The following DCC variants were observed in gnomAD, a reference collection of about 807,000 sequenced individuals.
DCC encodes DCC netrin 1 receptor, also known as netrin receptor DCC.
DCC carries 58 observed loss-of-function variants against 172.5 expected under a neutral mutation model. The observed-to-expected ratio is 0.34, with a 90% CI of 0.27 to 0.42. The LOEUF is 0.42. DCC is among the 10% of genes least tolerant of loss of function. The pLI is 1.00. For missense variants in DCC, 1,740 were observed against 1,791.0 expected (o/e 0.97, Z 0.51); for synonymous variants, 709 against 644.5 (o/e 1.10, Z -1.52).
At chr18:52,388,012 G>A (rs139107489) in intron 1 of DCC, among the ~76,000 whole-genome samples, 1,525 of 152,092 alleles carry the variant, frequency 0.01, 16 homozygotes, top group South Asian at 0.021. Flanking sequence ...GCATCCATGG[G>A]CATACTAATC....
intron 1 of DCC, among the ~76,000 whole-genome samples, chr18:52,610,825 AT>A (rs888630914): frequency 4.7e-5 from 7 of 149,846 alleles, no homozygotes; most frequent in Admixed American, 2.0e-4. Context: ...TCTTCTTTTG[AT>A]TTTTTTTCTA....
At chr18:52,627,338 T>G (rs2034593504) in intron 1 of DCC, among the ~76,000 whole-genome samples, 1 of 152,182 alleles carries the variant, frequency 6.6e-6, no homozygotes, top group East Asian at 1.9e-4. Flanking sequence ...CCTGGGTGAG[T>G]TGGGTGGTCA....
At chr18:53,123,429 G>A (rs533645038) in intron 7 of DCC, among the ~76,000 whole-genome samples, 50 of 152,142 alleles carry the variant, frequency 3.3e-4, no homozygotes, top group South Asian at 8.3e-4. Flanking sequence ...GGGGTGTGAA[G>A]GGAGCTAGAG....
At chr18:52,555,175 T>C (rs2032880644) in intron 1 of DCC, among the ~76,000 whole-genome samples, 1 of 152,050 alleles carries the variant, frequency 6.6e-6, no homozygotes. Context: ...CATAATAGGT[T>C]TTGACAAAGA....
intron 7 of DCC, among the ~76,000 whole-genome samples, chr18:53,104,623 T>C (rs769210165): frequency 6.6e-6 from 1 of 151,978 alleles, no homozygotes; most frequent in Non-Finnish European, 1.5e-5. Flanking sequence ...TCAAAAAAAA[T>C]GCAATTGTTT....
intron 2 of DCC, among the ~76,000 whole-genome samples, chr18:52,800,239 T>C (rs2037959287): frequency 6.6e-6 from 1 of 152,154 alleles, no homozygotes; most frequent in Non-Finnish European, 1.5e-5. Flanking sequence ...CAGCTAATAC[T>C]GTGATGAAAA....
At chr18:53,047,875 A>G (rs907512838) in intron 5 of DCC, among the ~76,000 whole-genome samples, 1 of 150,694 alleles carries the variant, frequency 6.6e-6, no homozygotes, top group Non-Finnish European at 1.5e-5. Context: ...GGATAGATCT[A>G]CTATTTTCTT....
Position 52,920,913 on chromosome 18 carries a change from G to A in DCC, c.698-2794G>A, listed in dbSNP as rs527428463. The stretch of plus-strand genomic sequence containing the variant: ...AAATGTATATTGCTGTGAGAAAAAA[G>A]CCAGTCTGAAAAGGCTATGTACTTT... On this transcript the variant is annotated intron_variant, in intron 3 of 28. Coordinates refer to ENST00000442544, the MANE Select transcript of DCC (RefSeq NM_005215.4). 5.3e-5 allele frequency among the ~76,000 whole-genome samples: 8 copies of A among 152,226 alleles called. No homozygotes were observed. The East Asian group carries it at 7.7e-4, about 15-fold the overall frequency.
intron 1 of DCC, among the ~76,000 whole-genome samples, chr18:52,565,296 A>G (rs1041326732): frequency 7.9e-5 from 12 of 152,144 alleles, no homozygotes; most frequent in Admixed American, 7.9e-4. Context: ...TGCTGCAGTA[A>G]ACATACGTGT....
chr18:53,165,653 T>G (rs1021748971), intron 8 of DCC, among the ~76,000 whole-genome samples: 1 of 152,246 alleles, frequency 6.6e-6, no homozygotes, highest in Non-Finnish European at 1.5e-5. Context: ...TGATTTTATT[T>G]CTCCAGTGGA....
At chr18:53,022,623 T>C (rs922215198) in intron 5 of DCC, among the ~76,000 whole-genome samples, 44 of 151,614 alleles carry the variant, frequency 2.9e-4, no homozygotes, top group Non-Finnish European at 5.6e-4. Context: ...TATTTAAAAA[T>C]TATTACCATA....
At chr18:52,877,259 A>G (rs1426535426) in intron 2 of DCC, among the ~76,000 whole-genome samples, 1 of 152,140 alleles carries the variant, frequency 6.6e-6, no homozygotes, top group African/African-American at 2.4e-5. Context: ...CACCTATTAC[A>G]AGCCCGTCCC....
chr18:53,252,744 A>G (rs760652730), intron 12 of DCC, among the ~76,000 whole-genome samples: 1 of 152,028 alleles, frequency 6.6e-6, no homozygotes, highest in African/African-American at 2.4e-5. Flanking sequence ...AGCGGAGCAC[A>G]TAAAAGACCC....
intron 1 of DCC, among the ~76,000 whole-genome samples, chr18:52,551,910 T>C (rs961264261): frequency 2.0e-5 from 3 of 152,190 alleles, no homozygotes; most frequent in Non-Finnish European, 4.4e-5. Flanking sequence ...ATGAAGTTTC[T>C]ATCTTCCTTT....
intron 5 of DCC, among the ~76,000 whole-genome samples, chr18:53,036,888 T>A: frequency 6.6e-6 from 1 of 152,064 alleles, no homozygotes; most frequent in Admixed American, 6.6e-5. Context: ...CTGGGTACAA[T>A]TGAATCCTTC....
At chr18:52,810,514 CATG>C (rs1434692547) in intron 2 of DCC, among the ~76,000 whole-genome samples, 3 of 152,248 alleles carry the variant, frequency 2.0e-5, no homozygotes, top group Non-Finnish European at 4.4e-5. Context: ...AATTTTAGTG[CATG>C]ATGAGACAGC....
chr18:52,971,271 T>G (rs2041025817), intron 5 of DCC, among the ~76,000 whole-genome samples: 1 of 152,114 alleles, frequency 6.6e-6, no homozygotes, highest in Non-Finnish European at 1.5e-5. Context: ...AGCTTACCAC[T>G]TTGTAGCTCC....
At chr18:53,461,841 T>G (rs532746225) in intron 24 of DCC, among the ~76,000 whole-genome samples, 1 of 152,342 alleles carries the variant, frequency 6.6e-6, no homozygotes, top group East Asian at 1.9e-4. Flanking sequence ...TAATTAAAGA[T>G]TCTCCTTTCT....
chr18:52,487,240 T>C (rs1318290830), intron 1 of DCC, among the ~76,000 whole-genome samples: 2 of 152,006 alleles, frequency 1.3e-5, no homozygotes, highest in African/African-American at 4.8e-5. Context: ...AACCAGTGAC[T>C]AAGAAATATA....
Sources: gnomAD v4.1 joint callset for allele counts (sites outside exome capture counted in the v4.1 genomes callset) on GRCh38, gnomAD v4.1.1 for gene constraint, MANE v1.5 for transcripts, NCBI Gene and HGNC (gene_info 2026-07-23, HGNC 2026-07-21) for gene names.